The following KLF12 variants were observed in gnomAD, a reference collection of about 807,000 sequenced individuals.
The protein encoded by KLF12 is Krueppel-like factor 12.
A neutral mutation model predicts 37.8 loss-of-function variants in KLF12; 9 were observed. The ratio of observed to expected loss-of-function variants is 0.24; its 90% CI spans 0.14 to 0.42. The LOEUF (loss-of-function observed/expected upper bound fraction) is 0.42, where lower values mean the gene tolerates loss of function less well. Ranked by LOEUF, KLF12 falls within the 10% of genes least tolerant of loss-of-function variation. The pLI is 1.00. For synonymous variants in KLF12, 208 were observed against 202.1 expected (o/e 1.03, Z -0.25); for missense variants, 411 against 516.0 (o/e 0.80, Z 1.97).
intron 1 of KLF12, among the ~76,000 whole-genome samples, chr13:74,126,888 C>T (rs748876797): frequency 9.9e-5 from 15 of 152,186 alleles, no homozygotes; most frequent in Non-Finnish European, 2.2e-4. Context: ...TACCTGTTTA[C>T]TAAAGAGTAC....
At chr13:74,164,557 C>T in the KLF12 span, among the ~76,000 whole-genome samples, 2 of 152,296 alleles carry the variant, frequency 1.3e-5, no homozygotes, top group African/African-American at 4.8e-5. Flanking sequence ...TAAATAGTTT[C>T]TTGAATTCCT....
At chr13:74,025,294 G>A (rs891212209) in intron 1 of KLF12, among the ~76,000 whole-genome samples, 2 of 150,666 alleles carry the variant, frequency 1.3e-5, no homozygotes, top group Non-Finnish European at 3.0e-5. Flanking sequence ...AATAACAGCA[G>A]TAAGATTAAA....
At chr13:74,227,801 C>T in the KLF12 span, among the ~76,000 whole-genome samples, 3 of 151,992 alleles carry the variant, frequency 2.0e-5, no homozygotes, top group African/African-American at 4.8e-5. Flanking sequence ...TAGAAGTTCC[C>T]GATTTCTCTG....
At chr13:73,909,324 G>T (rs1050557435) in intron 3 of KLF12, among the ~76,000 whole-genome samples, 1 of 152,112 alleles carries the variant, frequency 6.6e-6, no homozygotes, top group Non-Finnish European at 1.5e-5. Flanking sequence ...ATAAGTTTTT[G>T]CTTCCTCATA....
chr13:74,064,209 C>A (rs1382991487), intron 1 of KLF12, among the ~76,000 whole-genome samples: 2 of 152,124 alleles, frequency 1.3e-5, no homozygotes, highest in Non-Finnish European at 1.5e-5. Context: ...CACCCCTCTC[C>A]ATCACCAAGA....
At chr13:73,899,806 C>T (rs1230808808) in intron 3 of KLF12, among the ~76,000 whole-genome samples, 1 of 152,122 alleles carries the variant, frequency 6.6e-6, no homozygotes, top group African/African-American at 2.4e-5. Context: ...CCCCAAATTC[C>T]CTGGTTCTTG....
chr13:73,822,776 T>A (rs1266973981), intron 4 of KLF12, among the ~76,000 whole-genome samples: 1 of 152,102 alleles, frequency 6.6e-6, no homozygotes, highest in Non-Finnish European at 1.5e-5. Flanking sequence ...TTCATAAAAT[T>A]TTCCATTAAT....
intron 7 of KLF12, among the ~76,000 whole-genome samples, chr13:73,706,684 C>T (rs1874975759): frequency 6.6e-6 from 1 of 152,222 alleles, no homozygotes; most frequent in Non-Finnish European, 1.5e-5. Flanking sequence ...GGACCAATGA[C>T]CCCTTCAGTG....
chr13:73,739,060 C>A (rs543700457), intron 6 of KLF12, among the ~76,000 whole-genome samples: 2 of 152,132 alleles, frequency 1.3e-5, no homozygotes, highest in East Asian at 3.9e-4. Context: ...CATGATGAAA[C>A]CCTGTCTCTA....
chr13:74,148,403 C>CTTTTTT, the KLF12 span, among the ~76,000 whole-genome samples: 1,997 of 73,378 alleles, frequency 0.027, 11 homozygotes, highest in Non-Finnish European at 0.034. Context: ...CAAAACTGCT[C>CTTTTTT]TTTTTTTTTT....
the KLF12 span, among the ~76,000 whole-genome samples, chr13:74,266,306 A>G: frequency 6.6e-6 from 1 of 152,006 alleles, no homozygotes; most frequent in Non-Finnish European, 1.5e-5. Flanking sequence ...TTGAGAAACA[A>G]CTCTTGAAAT....
the KLF12 span, among the ~76,000 whole-genome samples, chr13:74,193,001 CAG>C: frequency 1.7e-3 from 232 of 136,430 alleles, 1 homozygote; most frequent in African/African-American, 6.4e-3. Context: ...TTTTTTGAGA[CAG>C]AGTTTCACTC....
intron 1 of KLF12, among the ~76,000 whole-genome samples, chr13:74,092,140 A>C (rs756320249): frequency 2.0e-5 from 3 of 151,484 alleles, no homozygotes; most frequent in Non-Finnish European, 4.4e-5. Context: ...ATACCAAAAA[A>C]GAAAAAATTA....
chr13:74,185,895 C>T, the KLF12 span, among the ~76,000 whole-genome samples: 4 of 152,092 alleles, frequency 2.6e-5, no homozygotes, highest in African/African-American at 9.7e-5. Context: ...CTGCCTGCCT[C>T]GGCCTTGCAA....
chr13:74,163,838 C>CAT, the KLF12 span, among the ~76,000 whole-genome samples: 15 of 43,182 alleles, frequency 3.5e-4, no homozygotes, highest in African/African-American at 1.4e-3. Context: ...TTGTGCACCC[C>CAT]GTATATATAT....
At chr13:74,291,363 A>C in the KLF12 span, among the ~76,000 whole-genome samples, 2 of 152,244 alleles carry the variant, frequency 1.3e-5, no homozygotes, top group African/African-American at 4.8e-5. Flanking sequence ...CATGAGATGC[A>C]AGTGTGATTG....
At chr13:73,783,014 G>A (rs948113750) in intron 5 of KLF12, among the ~76,000 whole-genome samples, 4 of 152,194 alleles carry the variant, frequency 2.6e-5, no homozygotes, top group Admixed American at 6.5e-5. Context: ...TGTATCATCC[G>A]GCTACACACA....
At chr13:73,760,224 A>G (rs531091322) in intron 6 of KLF12, among the ~76,000 whole-genome samples, 10 of 152,292 alleles carry the variant, frequency 6.6e-5, no homozygotes, top group African/African-American at 2.4e-4. Flanking sequence ...AATCTTAGGC[A>G]CATTAGTAAT....
chr13:73,849,527 C>G (rs1885214577), intron 3 of KLF12, among the ~76,000 whole-genome samples: 1 of 151,570 alleles, frequency 6.6e-6, no homozygotes. Context: ...GTAAGAAATA[C>G]TTAGAATAGT....
Sources: gnomAD v4.1 joint callset for allele counts (sites outside exome capture counted in the v4.1 genomes callset) on GRCh38, gnomAD v4.1.1 for gene constraint, MANE v1.5 for transcripts, NCBI Gene and HGNC (gene_info 2026-07-23, HGNC 2026-07-21) for gene names.